Variants in EPB41L1 observed in about 807,000 individuals in gnomAD.
EPB41L1 encodes band 4.1-like protein 1.
Under a neutral mutation model 97.8 loss-of-function variants are expected in EPB41L1, and 29 were observed. The ratio of observed to expected loss-of-function variants is 0.30; its 90% CI spans 0.22 to 0.40. The LOEUF (loss-of-function observed/expected upper bound fraction) is 0.40. EPB41L1 is among the 10% of genes least tolerant of loss of function. The pLI, the probability that EPB41L1 is intolerant of heterozygous loss-of-function variation, is 1.00. For synonymous variants in EPB41L1, 383 were observed against 459.2 expected (o/e 0.83, Z 2.12); for missense variants, 812 against 1,162.3 (o/e 0.70, Z 4.38).
intron 1 of EPB41L1, among the ~76,000 whole-genome samples, chr20:36,111,741 C>T (rs2248120): frequency 0.051 from 7,586 of 148,114 alleles, 639 homozygotes; most frequent in African/African-American, 0.18. Context: ...GAGCAGAGAT[C>T]GCACCATTGC....
rs753848310 is a variant in EPB41L1 at position 36,172,951 on chromosome 20, TTC to T, written c.-14-805_-14-804del. Among the ~76,000 whole-genome samples the T allele has an allele frequency of 1.2e-4, 18 of 152,284 alleles. No homozygotes were observed. In the Middle Eastern group the frequency reaches 0.01, roughly 86 times the overall value. ...AGACCATGCCATTCTCTCTCTCTCT[TTC>T]TCTCTCTGTAACTTGCCTATTCCAG... On this transcript the variant is annotated intron_variant, in intron 1 of 21. Transcript: ENST00000338074.
At chr20:36,143,163 G>A (rs2059707655) in intron 2 of EPB41L1, among the ~76,000 whole-genome samples, 1 of 151,526 alleles carries the variant, frequency 6.6e-6, no homozygotes, top group Non-Finnish European at 1.5e-5. Context: ...GTGTGTGTGT[G>A]TGTGTGTGTG....
intron 11 of EPB41L1, among the ~76,000 whole-genome samples, chr20:36,191,238 G>T (rs910822507): frequency 5.3e-5 from 8 of 152,158 alleles, no homozygotes; most frequent in Non-Finnish European, 1.2e-4. Context: ...GGAGAATAGT[G>T]TCTTATGACT....
intron 2 of EPB41L1, among the ~76,000 whole-genome samples, chr20:36,141,431 G>A (rs535161404): frequency 6.6e-6 from 1 of 152,178 alleles, no homozygotes; most frequent in Non-Finnish European, 1.5e-5. Context: ...TACTTCCGCT[G>A]TGAGGGCCTG....
chr20:36,214,413 C>T lies in EPB41L1; in HGVS notation c.2241C>T (p.Ile747=). The change falls in exon 17 of 22, where the codon ATC becomes ATT. Residue 747 remains isoleucine, a synonymous_variant. Transcript: ENST00000338074. ...GREFIATTPS[I]TTETISTTME... ...AGTTCATAGCAACCACTCCCTCCAT[C>T]ACCACGGAGACCATATCGACCACCA... 1 of 1,613,710 alleles carries T rather than the reference C, an allele frequency of 6.2e-7. No individual in the cohort carries two copies. Among genetic ancestry groups the T allele is most frequent in the Non-Finnish European group, 8.5e-7 (1 of 1,179,950 alleles).
chr20:36,135,954 C>T (rs781012878), intron 2 of EPB41L1, among the ~76,000 whole-genome samples: 1 of 152,112 alleles, frequency 6.6e-6, no homozygotes, highest in Non-Finnish European at 1.5e-5. Context: ...AATTTCCTCC[C>T]TTTATACTTG....
chr20:36,212,523 C>T lies in EPB41L1; in HGVS notation c.2184+147C>T, dbSNP rs1227812130. On this transcript the variant is annotated intron_variant, in intron 16 of 21. Transcript: ENST00000338074. This position sits in a 1 kb window ranked among gnomAD's most constrained non-coding sequence, Gnocchi z 4.8. ...TGTTAATCCTGATGCTCTCCTGTGC[C>T]TCAGTGTCCTCTCTGAGCTCTGGGG... 8.5e-6 allele frequency: 6 copies of T among 702,072 alleles called. No individual in the cohort carries two copies. Among genetic ancestry groups the T allele is most frequent in the Admixed American group, 2.2e-5 (1 of 45,652 alleles). The allele number at this position is 702,072 out of a possible 1,614,324, so 43.5% of individuals were successfully genotyped here.
In EPB41L1 at chr20:36,229,450, G is replaced by A. The variant is rs2064389160; in HGVS notation, c.*110G>A. ...GCAACACTGACGTCCCAGCTGCGAC[G>A]TACTGTCACTGATGAGAGACTGGGA... On this transcript the variant is annotated 3_prime_UTR_variant, in exon 22 of 22. Coordinates refer to ENST00000338074, the MANE Select transcript of EPB41L1 (RefSeq NM_012156.2). The A allele has an allele frequency of 2.0e-6, 2 of 1,013,382 alleles. No individual in the cohort carries two copies. Among genetic ancestry groups the A allele is most frequent in the African/African-American group, 1.6e-5 (1 of 63,334 alleles). 62.8% of individuals were successfully genotyped at this position (1,013,382 alleles called of 1,614,324 possible). A position where few individuals can be genotyped will look rare whatever the true frequency, so the allele number is the denominator to read the frequency against.
Position 36,207,264 on chromosome 20 carries a change from C to T in EPB41L1, c.1669-2224C>T. 1 of 1,277,320 alleles carries T rather than the reference C, an allele frequency of 7.8e-7. No homozygotes were observed. The highest frequency in any genetic ancestry group is 1.0e-6 in the Non-Finnish European group (1 of 981,248). The allele number at this position is 1,277,320 out of a possible 1,614,324, so 79.1% of individuals were successfully genotyped here. ...AAGTAGGGTTTGTGGTGTCCCCTGCCACAGGAGGTGAGCGCAGGCCTCCTC... is the reference window on the plus strand; with the variant it reads ...AAGTAGGGTTTGTGGTGTCCCCTGCTACAGGAGGTGAGCGCAGGCCTCCTC... On this transcript the variant is annotated intron_variant, in intron 14 of 21. Coordinates refer to ENST00000338074, the MANE Select transcript of EPB41L1 (RefSeq NM_012156.2). This position sits in a 1 kb window ranked among gnomAD's most constrained non-coding sequence, Gnocchi z 4.9.
chr20:36,184,429 T>A (rs183774446), intron 6 of EPB41L1, among the ~76,000 whole-genome samples: 80 of 152,252 alleles, frequency 5.3e-4, no homozygotes, highest in African/African-American at 1.9e-3. Flanking sequence ...TTATAAAAAA[T>A]CATGGCCTGG....
chr20:36,132,588 T>G, intron 2 of EPB41L1, among the ~76,000 whole-genome samples: 1 of 146,596 alleles, frequency 6.8e-6, no homozygotes, highest in Non-Finnish European at 1.5e-5. Flanking sequence ...GGCGCATTAT[T>G]ATGCCTGCCA....
chr20:36,212,433 G>A lies in EPB41L1; in HGVS notation c.2184+57G>A. The stretch of plus-strand genomic sequence containing the variant: ...TGGGTATTGGGCATTTGGTGGTAGG[G>A]TCCCCACTGCTGTGGCCAAACCCCT... On this transcript the variant is annotated intron_variant, in intron 16 of 21. Transcript: ENST00000338074. The surrounding 1 kb of genome is among the most constrained non-coding windows in gnomAD (Gnocchi z 4.8). 1 of 1,488,788 alleles carries A rather than the reference G, an allele frequency of 6.7e-7. No homozygotes were observed. Among genetic ancestry groups the A allele is most frequent in the South Asian group, 1.1e-5 (1 of 87,772 alleles). The allele number at this position is 1,488,788 out of a possible 1,614,324, so 92.2% of individuals were successfully genotyped here.
chr20:36,183,689 C>G (rs966984829), intron 6 of EPB41L1, among the ~76,000 whole-genome samples: 1 of 152,122 alleles, frequency 6.6e-6, no homozygotes, highest in Non-Finnish European at 1.5e-5. Context: ...ATAAACTGGT[C>G]AAAATGACAA....
At chr20:36,107,690 C>T (rs991790684) in intron 1 of EPB41L1, among the ~76,000 whole-genome samples, 5 of 88 alleles carry the variant, frequency 0.057, no homozygotes, top group African/African-American at 0.077. Flanking sequence ...ATTAGCCAGG[C>T]GTGGTGCACG....
rs1056660360 is a variant in EPB41L1 at position 36,184,252 on chromosome 20, AAAAG to A, written c.567-861_567-858del. Among the ~76,000 whole-genome samples the A allele has an allele frequency of 1.9e-4, 29 of 152,168 alleles. 1 individual carries two copies. Among genetic ancestry groups the A allele is most frequent in the Admixed American group, 1.8e-3 (27 of 15,284 alleles). On this transcript the variant is annotated intron_variant, in intron 6 of 21. Coordinates refer to ENST00000338074, the MANE Select transcript of EPB41L1 (RefSeq NM_012156.2). ...TCCATCTCAAAAAAAGAAAAAAAGA[AAAAG>A]AAATAGGCAGTTGAAAAAAAATGGT...
At chr20:36,151,809 T>A (rs1485089312), upstream of EPB41L1, 3 of 152,322 alleles carry the variant, frequency 2.0e-5, no homozygotes, top group Non-Finnish European at 4.4e-5. Flanking sequence ...CCTGCCTATT[T>A]ATAAGATGGG....
At chr20:36,196,595 G>A (rs2146505837) in intron 13 of EPB41L1, among the ~76,000 whole-genome samples, 1 of 152,328 alleles carries the variant, frequency 6.6e-6, no homozygotes, top group South Asian at 2.1e-4. Flanking sequence ...CCTTCCTGAG[G>A]TAGCTTAGGA....
chr20:36,122,720 T>G (rs767213091), intron 2 of EPB41L1: 1 of 152,284 alleles, frequency 6.6e-6, no homozygotes, highest in Non-Finnish European at 1.5e-5. Flanking sequence ...CCACGCAGAC[T>G]TCTAGTCCTG....
intron 14 of EPB41L1, chr20:36,201,114 A>G: frequency 7.8e-6 from 3 of 382,170 alleles, no homozygotes; most frequent in Non-Finnish European, 1.6e-5. Flanking sequence ...TGGGTAACCC[A>G]TGCTGTCTCC....
Sources: allele counts gnomAD v4.1 joint callset (sites outside exome capture counted in the v4.1 genomes callset), GRCh38; gene constraint gnomAD v4.1.1; non-coding constraint Gnocchi (gnomAD v3.1); transcripts MANE v1.5; gene names NCBI Gene and HGNC (gene_info 2026-07-23, HGNC 2026-07-21).